FYN: variants seen among roughly 807,000 people sequenced by gnomAD.
FYN encodes the protein FYN proto-oncogene, Src family tyrosine kinase, also known as tyrosine-protein kinase Fyn.
A neutral mutation model predicts 70.2 loss-of-function variants in FYN; 10 were observed. That is an observed-to-expected ratio of 0.14 (90% CI 0.09 to 0.24). FYN has a LOEUF of 0.24. FYN is among the 10% of genes least tolerant of loss of function. FYN has a pLI of 1.00. For missense variants in FYN, 319 were observed against 673.1 expected (o/e 0.47, Z 5.82); for synonymous variants, 236 against 248.6 (o/e 0.95, Z 0.48).
chr6:111,677,523 G>A (rs554267491), intron 12 of FYN, among the ~76,000 whole-genome samples: 50 of 152,284 alleles, frequency 3.3e-4, no homozygotes, highest in African/African-American at 8.9e-4. Flanking sequence ...AACTAGCCTT[G>A]CAGGTTGCAC....
chr6:111,686,309 T>C (rs1385129090), intron 12 of FYN, among the ~76,000 whole-genome samples: 1 of 152,100 alleles, frequency 6.6e-6, no homozygotes, highest in East Asian at 1.9e-4. Context: ...GACTGAAGTG[T>C]ACCAAACTCG....
In FYN at chr6:111,707,953, C is replaced by T; in HGVS notation, c.412G>A (p.Val138Met). The change falls in exon 6 of 14, where the codon GTG (valine) becomes ATG (methionine). Residue 138 changes from valine (V) to methionine (M), a missense_variant. This residue lies in a region of FYN where 128 missense variants were observed against 183.9 expected (regional missense o/e 0.70). Coordinates refer to ENST00000354650, the MANE Select transcript of FYN (RefSeq NM_002037.5). ...GETGYIPSNY[V>M]APVDSIQAEE... is the part of the protein sequence containing the mutation. ...GCCTGGATAGAGTCAACTGGAGCCA[C>T]ATAATTGCTGGGAATGTAACCTGTC... The T allele has an allele frequency of 6.2e-7, 1 of 1,614,060 alleles. No individual in the cohort carries two copies. Among genetic ancestry groups the T allele is most frequent in the South Asian group, 1.1e-5 (1 of 91,084 alleles).
chr6:111,699,725 C>T, intron 9 of FYN: 1 of 1,519,976 alleles, frequency 6.6e-7, no homozygotes, highest in Non-Finnish European at 9.0e-7. Flanking sequence ...CATAATTATG[C>T]ATGCACTAGG....
At chr6:111,708,281 T>A in intron 5 of FYN, 1 of 378,244 alleles carries the variant, frequency 2.6e-6, no homozygotes, top group East Asian at 4.5e-5. Flanking sequence ...ATGAGAAGTC[T>A]CTCTTGGTAG....
At chr6:111,791,835 C>T (rs1187800628) in intron 2 of FYN, among the ~76,000 whole-genome samples, 4 of 152,056 alleles carry the variant, frequency 2.6e-5, no homozygotes, top group Non-Finnish European at 2.9e-5. Flanking sequence ...AATGGGTATC[C>T]GTATGAAAGA....
intron 5 of FYN, among the ~76,000 whole-genome samples, chr6:111,710,247 GA>G (rs1253849100): frequency 6.6e-6 from 1 of 152,072 alleles, no homozygotes; most frequent in Admixed American, 6.5e-5. Flanking sequence ...ATTAAATTAA[GA>G]AAAAAATGGC....
intron 4 of FYN, among the ~76,000 whole-genome samples, chr6:111,716,935 C>T (rs1274146231): frequency 2.0e-5 from 3 of 152,116 alleles, no homozygotes; most frequent in South Asian, 2.1e-4. Flanking sequence ...CAGGTGCCTG[C>T]CACCATGCCC....
intron 2 of FYN, among the ~76,000 whole-genome samples, chr6:111,834,978 T>C (rs2114429451): frequency 6.6e-6 from 1 of 152,334 alleles, no homozygotes; most frequent in Non-Finnish European, 1.5e-5. Context: ...AACTCAGAGT[T>C]TATTTTTCTG....
At chr6:111,662,267 C>T (rs956524446) in intron 13 of FYN, among the ~76,000 whole-genome samples, 1 of 152,208 alleles carries the variant, frequency 6.6e-6, no homozygotes, top group African/African-American at 2.4e-5. Context: ...AGATCAGTGG[C>T]TGCCTGGGGG....
chr6:111,666,103 G>C (rs1797995205), intron 13 of FYN, among the ~76,000 whole-genome samples: 2 of 145,430 alleles, frequency 1.4e-5, no homozygotes, highest in African/African-American at 5.1e-5. Context: ...CCTGGTTCAA[G>C]CAATTCTCAT....
rs1177997310 is a variant in FYN at position 111,744,669 on chromosome 6, T to G, written c.-11-24607A>C. On this transcript the variant is annotated intron_variant, in intron 3 of 13. Transcript: ENST00000354650. ...TTTGGAAAAATCATCAGGCTTTTACTACACGTCAGTTATCTCATTTGCCTG... is the reference window on the plus strand; with the variant it reads ...TTTGGAAAAATCATCAGGCTTTTACGACACGTCAGTTATCTCATTTGCCTG... Among the ~76,000 whole-genome samples, 3 of 152,204 alleles carry G rather than the reference T, an allele frequency of 2.0e-5. No homozygotes were observed. In the East Asian group the frequency reaches 5.8e-4, roughly 29 times the overall value.
At chr6:111,767,159 A>C (rs1294446957) in intron 3 of FYN, among the ~76,000 whole-genome samples, 1 of 152,210 alleles carries the variant, frequency 6.6e-6, no homozygotes, top group East Asian at 1.9e-4. Flanking sequence ...GTCTACCTTT[A>C]AATGACAAAG....
intron 12 of FYN, among the ~76,000 whole-genome samples, chr6:111,677,510 TA>T (rs1293419323): frequency 6.6e-5 from 10 of 152,324 alleles, no homozygotes; most frequent in Non-Finnish European, 1.5e-4. Context: ...CAGGTGTCTT[TA>T]AAACTAGCCT....
chr6:111,692,922 T>A (rs926017202), intron 12 of FYN, among the ~76,000 whole-genome samples: 1 of 152,204 alleles, frequency 6.6e-6, no homozygotes, highest in East Asian at 1.9e-4. Flanking sequence ...CGCCTTTGAT[T>A]AGAGATACAG....
intron 3 of FYN, among the ~76,000 whole-genome samples, chr6:111,741,515 C>T (rs1404269862): frequency 5.3e-5 from 1 of 19,008 alleles, no homozygotes; most frequent in Admixed American, 8.3e-4. Flanking sequence ...TGTTTATATT[C>T]ATTTTTTATA....
At chr6:111,847,679 G>A (rs544008115) in intron 1 of FYN, among the ~76,000 whole-genome samples, 1 of 151,934 alleles carries the variant, frequency 6.6e-6, no homozygotes, top group Non-Finnish European at 1.5e-5. Context: ...ACACACACAA[G>A]AATTTTTGCA....
At chr6:111,770,653 C>T (rs1487376727) in intron 3 of FYN, among the ~76,000 whole-genome samples, 1 of 152,154 alleles carries the variant, frequency 6.6e-6, no homozygotes, top group Non-Finnish European at 1.5e-5. Flanking sequence ...TTATTTAGCT[C>T]ATCATTCTGC....
chr6:111,735,087 T>A (rs1477002369), intron 3 of FYN, among the ~76,000 whole-genome samples: 1 of 152,180 alleles, frequency 6.6e-6, no homozygotes, highest in Non-Finnish European at 1.5e-5. Flanking sequence ...GGCAAGGGAA[T>A]AGCATATCTG....
At chr6:111,839,040 G>A (rs920722654) in intron 2 of FYN, among the ~76,000 whole-genome samples, 3 of 152,096 alleles carry the variant, frequency 2.0e-5, no homozygotes, top group African/African-American at 7.2e-5. Context: ...CATTCTTTTG[G>A]ACTCAGCTCT....
Sources: gnomAD v4.1 joint callset for allele counts (sites outside exome capture counted in the v4.1 genomes callset) on GRCh38, gnomAD v4.1.1 for gene constraint, gnomAD v4.1.1 regional missense constraint, MANE v1.5 for transcripts, NCBI Gene and HGNC (gene_info 2026-07-23, HGNC 2026-07-21) for gene names.